Variants in CHN2 observed in about 807,000 individuals in gnomAD.
CHN2 encodes beta-chimaerin.
CHN2 carries 35 observed loss-of-function variants against 56.3 expected under a neutral mutation model. That is an observed-to-expected ratio of 0.62 (90% CI 0.47 to 0.82). CHN2 has a LOEUF of 0.82. Among genes scored for constraint, CHN2 ranks in the 40% least tolerant of loss-of-function variants. CHN2 has a pLI of 0.00. For synonymous variants in CHN2, 210 were observed against 212.8 expected (o/e 0.99, Z 0.12); for missense variants, 491 against 580.5 (o/e 0.85, Z 1.58).
chr7:29,292,718 T>C (rs987581356), intron 1 of CHN2: 5 of 333,396 alleles, frequency 1.5e-5, no homozygotes, highest in Non-Finnish European at 2.4e-5. Flanking sequence ...ATAACATCTC[T>C]TGGTTTTGTT....
Position 29,504,772 on chromosome 7 carries a change from C to T in CHN2, c.942C>T (p.Val314=). ...TAAAATCGGAAGGCCTTTACAGAGT[C>T]TCTGGGTTCACTGAACACATTGAAG... is the stretch of plus-strand genomic sequence containing the variant. ...RGLKSEGLYR[V]SGFTEHIEDV... Residue 314 remains valine, a synonymous_variant, in exon 10 of 13, where the codon GTC becomes GTT. Transcript: ENST00000222792. 1 of 1,612,622 alleles carries T rather than the reference C, an allele frequency of 6.2e-7. No individual in the cohort carries two copies. Among genetic ancestry groups the T allele is most frequent in the Non-Finnish European group, 8.5e-7 (1 of 1,179,596 alleles).
At chr7:29,480,069 G>A (rs769115329) in intron 6 of CHN2, 21 of 1,547,826 alleles carry the variant, frequency 1.4e-5, no homozygotes, top group Non-Finnish European at 1.7e-5. Context: ...GGGCTTCCTG[G>A]GCTCTGCAGA....
At chr7:29,315,635 A>G (rs1794901274) in intron 1 of CHN2, among the ~76,000 whole-genome samples, 1 of 152,232 alleles carries the variant, frequency 6.6e-6, no homozygotes, top group South Asian at 2.1e-4. Flanking sequence ...GTATTCTGAT[A>G]ATGCAGTGAT....
chr7:29,153,217 G>A (rs1287798253), intron 2 of CHN2, among the ~76,000 whole-genome samples: 8 of 152,312 alleles, frequency 5.3e-5, no homozygotes, highest in African/African-American at 1.7e-4. Flanking sequence ...TAGACATATG[G>A]TATGTGGGCC....
intron 6 of CHN2, among the ~76,000 whole-genome samples, chr7:29,415,288 G>A (rs969189507): frequency 2.6e-5 from 4 of 152,202 alleles, no homozygotes; most frequent in African/African-American, 7.2e-5. Context: ...GGCACTTGGG[G>A]AGTCAGACAT....
intron 9 of CHN2, among the ~76,000 whole-genome samples, chr7:29,503,416 T>C (rs1473605992): frequency 1.3e-5 from 2 of 152,216 alleles, no homozygotes; most frequent in East Asian, 1.9e-4. Flanking sequence ...TGTGCCTCTG[T>C]GGCAGTGCAT....
intron 2 of CHN2, among the ~76,000 whole-genome samples, chr7:29,362,010 C>T (rs1338089596): frequency 6.6e-6 from 1 of 152,218 alleles, no homozygotes; most frequent in Non-Finnish European, 1.5e-5. Context: ...GACAGTGGCT[C>T]CTACTCCTGG....
At chr7:29,161,148 G>C (rs550019541) in intron 2 of CHN2, among the ~76,000 whole-genome samples, 22 of 152,276 alleles carry the variant, frequency 1.4e-4, no homozygotes, top group Admixed American at 3.9e-4. Context: ...AGAGGAAGGT[G>C]CTCAAGGTTA....
At chr7:29,299,132 A>G (rs1270018999) in intron 1 of CHN2, among the ~76,000 whole-genome samples, 1 of 152,196 alleles carries the variant, frequency 6.6e-6, no homozygotes, top group Non-Finnish European at 1.5e-5. Context: ...CTGGAACAGA[A>G]GAGGCCAGGC....
chr7:29,240,839 CG>C (rs1787614586), intron 1 of CHN2, among the ~76,000 whole-genome samples: 1 of 151,766 alleles, frequency 6.6e-6, no homozygotes, highest in African/African-American at 2.4e-5. Context: ...TCGTCGTCTT[CG>C]TCTTCATCTT....
At chr7:29,203,237 C>CA (rs1784285427) in intron 1 of CHN2, among the ~76,000 whole-genome samples, 1 of 152,072 alleles carries the variant, frequency 6.6e-6, no homozygotes. Context: ...GAGGCCAAGG[C>CA]GGGTGGATCA....
intron 6 of CHN2, among the ~76,000 whole-genome samples, chr7:29,439,053 TATTC>T (rs1783441150): frequency 6.6e-6 from 1 of 152,198 alleles, no homozygotes; most frequent in Admixed American, 6.5e-5. Flanking sequence ...ATTAACCTAT[TATTC>T]ATCCTACAAA....
Position 29,514,111 on chromosome 7 carries a change from A to C in CHN2, c.*1376A>C, listed in dbSNP as rs1791803975. ...ACCTGGACAGTCCCAAGGGCTATGC[A>C]GATGGACTCCATTGGCACAGGGAGG... On this transcript the variant is annotated 3_prime_UTR_variant, in exon 13 of 13. Coordinates refer to ENST00000222792, the MANE Select transcript of CHN2 (RefSeq NM_004067.4). The C allele has an allele frequency of 6.5e-6, 1 of 152,680 alleles. No individual in the cohort carries two copies. Among genetic ancestry groups the C allele is most frequent in the Non-Finnish European group, 1.5e-5 (1 of 68,066 alleles). 9.5% of individuals were successfully genotyped at this position (152,680 alleles called of 1,614,324 possible).
rs1314117653 is a variant in CHN2, at chr7:29,422,318, G to C, written c.576+21490G>C. Among the ~76,000 whole-genome samples, 7 of 152,314 alleles carry C rather than the reference G, an allele frequency of 4.6e-5. No individual in the cohort carries two copies. The East Asian group carries it at 1.4e-3, about 29-fold the overall frequency. On this transcript the variant is annotated intron_variant, in intron 6 of 12. Coordinates refer to ENST00000222792, the MANE Select transcript of CHN2 (RefSeq NM_004067.4). ...ACCTGATGGATGTCAAATACACACA[G>C]GTGCAGCAGCCGGCACCCGCCAGGT...
chr7:29,175,953 G>T (rs1345992156), intron 2 of CHN2, among the ~76,000 whole-genome samples: 1 of 152,136 alleles, frequency 6.6e-6, no homozygotes, highest in East Asian at 1.9e-4. Context: ...TTGGGAGGCC[G>T]AGGCGGGAAG....
chr7:29,257,715 G>A (rs150078947), intron 1 of CHN2, among the ~76,000 whole-genome samples: 143 of 152,260 alleles, frequency 9.4e-4, no homozygotes, highest in Non-Finnish European at 1.8e-3. Context: ...TCGGCCTGGC[G>A]ATATCCTGCT....
chr7:29,394,164 G>A (rs1025081987), intron 4 of CHN2, among the ~76,000 whole-genome samples: 1 of 152,146 alleles, frequency 6.6e-6, no homozygotes, highest in African/African-American at 2.4e-5. Context: ...AAACCCAAAT[G>A]ATGATATCTC....
At chr7:29,327,429 T>C (rs547949823) in intron 1 of CHN2, among the ~76,000 whole-genome samples, 2 of 152,348 alleles carry the variant, frequency 1.3e-5, no homozygotes, top group African/African-American at 4.8e-5. Context: ...GTTTTGCTTC[T>C]GGAGAGTGCC....
chr7:29,467,214 A>T, intron 6 of CHN2, among the ~76,000 whole-genome samples: 1 of 152,226 alleles, frequency 6.6e-6, no homozygotes, highest in East Asian at 1.9e-4. Context: ...GATTCTTAGA[A>T]ATTGAGTTAC....
Sources: allele counts gnomAD v4.1 joint callset (sites outside exome capture counted in the v4.1 genomes callset), GRCh38; gene constraint gnomAD v4.1.1; transcripts MANE v1.5; gene names NCBI Gene and HGNC (gene_info 2026-07-23, HGNC 2026-07-21).